The following CPNE5 variants were observed in gnomAD, a reference collection of about 807,000 sequenced individuals.
CPNE5 encodes copine 5.
A neutral mutation model predicts 81.1 loss-of-function variants in CPNE5; 42 were observed. The ratio of observed to expected loss-of-function variants is 0.52; its 90% confidence interval spans 0.40 to 0.67. The LOEUF is 0.67. CPNE5 is among the 30% of genes least tolerant of loss of function. The probability of loss-of-function intolerance (pLI) is 0.00; values close to 1 mark genes in which losing one functional copy is unlikely to be tolerated. For missense variants in CPNE5, 612 were observed against 815.5 expected, an observed-to-expected ratio of 0.75 and a Z score of 3.04; for synonymous variants, 313 against 321.5, an observed-to-expected ratio of 0.97 and a Z score of 0.28.
chr6:36,762,706 T>C (rs984840459), intron 12 of CPNE5, among the ~76,000 whole-genome samples: 1 of 152,204 alleles, frequency 6.6e-6, no homozygotes, highest in Non-Finnish European at 1.5e-5. Flanking sequence ...GGGTTGTTTG[T>C]GTCTTGATTT....
intron 18 of CPNE5, 49 bp from the exon 19 acceptor site, chr6:36,744,374 C>T (rs1763891297): frequency 2.8e-6 from 4 of 1,451,532 alleles, no homozygotes; most frequent in Non-Finnish European, 3.8e-6. Flanking sequence ...AATTGGGACC[C>T]AGTTAAAAGG....
At chr6:36,773,425 C>G (rs549478983) in intron 10 of CPNE5, among the ~76,000 whole-genome samples, 1 of 152,334 alleles carries the variant, frequency 6.6e-6, no homozygotes, top group Non-Finnish European at 1.5e-5. Flanking sequence ...TACATGTTTC[C>G]TTGTGTGATT....
intron 1 of CPNE5, among the ~76,000 whole-genome samples, chr6:36,837,888 A>G (rs1773663830): frequency 6.6e-6 from 1 of 151,936 alleles, no homozygotes; most frequent in South Asian, 2.1e-4. Flanking sequence ...GCTGCTTTTG[A>G]TGGCTGAGGA....
chr6:36,784,172 G>A (rs188051299), intron 8 of CPNE5, among the ~76,000 whole-genome samples: 1 of 152,326 alleles, frequency 6.6e-6, no homozygotes, highest in South Asian at 2.1e-4. Context: ...CATTGCTGGG[G>A]GGTTGGCAGC....
intron 18 of CPNE5, 112 bp downstream of exon 18, chr6:36,744,936 C>A (rs777685163): frequency 7.0e-5 from 52 of 738,838 alleles, no homozygotes; most frequent in Non-Finnish European, 1.1e-4. Context: ...ACGCCCAAGT[C>A]ATCTCCAAGC....
At chr6:36,759,107 G>A (rs1389286853) in intron 12 of CPNE5, among the ~76,000 whole-genome samples, 1 of 152,236 alleles carries the variant, frequency 6.6e-6, no homozygotes, top group Non-Finnish European at 1.5e-5. Context: ...CCTCCCAGCT[G>A]GGGAGAATGA....
intron 6 of CPNE5, among the ~76,000 whole-genome samples, chr6:36,796,125 T>A (rs760397490): frequency 6.6e-6 from 1 of 152,078 alleles, no homozygotes; most frequent in Non-Finnish European, 1.5e-5. Context: ...ATTTTTGTAT[T>A]TTTAGTAGAG....
chr6:36,830,780 G>A (rs947010928), intron 1 of CPNE5, among the ~76,000 whole-genome samples: 1 of 152,134 alleles, frequency 6.6e-6, no homozygotes, highest in Non-Finnish European at 1.5e-5. Flanking sequence ...TGGAGTTGCT[G>A]TGAAGTCAAC....
chr6:36,806,809 C>A (rs1770636608), intron 3 of CPNE5, among the ~76,000 whole-genome samples: 1 of 152,232 alleles, frequency 6.6e-6, no homozygotes, highest in African/African-American at 2.4e-5. Flanking sequence ...CCCGATCATG[C>A]AGCAAAGATA....
Position 36,744,336 on chromosome 6 carries a change from G to C in CPNE5, c.1432-11C>G. On this transcript the variant is annotated splice_polypyrimidine_tract_variant and intron_variant, in intron 18 of 20. Transcript: ENST00000244751. ...GGGGAGCTTGGCAGCCTGGGAGACAGCATGGGGGGCAGGGAAAGGTTGGAC... is the reference window on the plus strand; with the variant it reads ...GGGGAGCTTGGCAGCCTGGGAGACACCATGGGGGGCAGGGAAAGGTTGGAC... The C allele has an allele frequency of 1.3e-6, 2 of 1,576,476 alleles. No individual in the cohort carries two copies. Among genetic ancestry groups the C allele is most frequent in the Non-Finnish European group, 1.7e-6 (2 of 1,160,788 alleles).
At chr6:36,769,437 C>T (rs1367732063) in intron 10 of CPNE5, among the ~76,000 whole-genome samples, 1 of 152,224 alleles carries the variant, frequency 6.6e-6, no homozygotes, top group East Asian at 1.9e-4. Context: ...CAGGCTGCCC[C>T]CACGGCATAC....
Position 36,839,254 on chromosome 6 carries a change from C to T in CPNE5, c.95+29G>A. On this transcript the variant is annotated intron_variant, in intron 1 of 20. Transcript: ENST00000244751. This position sits in a 1 kb window ranked among gnomAD's most constrained non-coding sequence, Gnocchi z 7.3. The stretch of plus-strand genomic sequence containing the variant: ...CGGGGCTCTGCGTCCAGGGCCGGGG[C>T]AAGGGGACCCGGCCAGCGGGAGGCT... The T allele has an allele frequency of 2.0e-6, 3 of 1,492,042 alleles. No homozygotes were observed. The highest frequency in any genetic ancestry group is 1.3e-5 in the South Asian group (1 of 78,688). 92.4% of individuals were successfully genotyped at this position (1,492,042 alleles called of 1,614,324 possible).
At chr6:36,773,732 G>A (rs1767245443) in intron 10 of CPNE5, among the ~76,000 whole-genome samples, 1 of 152,186 alleles carries the variant, frequency 6.6e-6, no homozygotes, top group Non-Finnish European at 1.5e-5. Context: ...TGCCCAGGTT[G>A]ACAGTGCTTT....
At chr6:36,836,854 C>T (rs1773553080) in intron 1 of CPNE5, among the ~76,000 whole-genome samples, 1 of 152,076 alleles carries the variant, frequency 6.6e-6, no homozygotes, top group Non-Finnish European at 1.5e-5. Flanking sequence ...TTCTCACCTC[C>T]CCTCTGTTCT....
At chr6:36,780,114 C>A (rs1273463276) in intron 8 of CPNE5, among the ~76,000 whole-genome samples, 2 of 152,140 alleles carry the variant, frequency 1.3e-5, no homozygotes, top group African/African-American at 4.8e-5. Context: ...CAGGCGCCCG[C>A]CACCACACCT....
intron 11 of CPNE5, 39 bp from the exon 12 acceptor site, chr6:36,763,031 G>C: frequency 6.4e-7 from 1 of 1,568,144 alleles, no homozygotes; most frequent in African/African-American, 1.4e-5. Context: ...AGGCCAGGCT[G>C]TGCCCTGCCT....
At chr6:36,833,829 G>C (rs1773174711) in intron 1 of CPNE5, among the ~76,000 whole-genome samples, 1 of 152,144 alleles carries the variant, frequency 6.6e-6, no homozygotes, top group Admixed American at 6.5e-5. Flanking sequence ...CAGAAACTAG[G>C]AAATGAGAAA....
intron 7 of CPNE5, chr6:36,792,582 G>A (rs1769199363): frequency 1.4e-5 from 6 of 441,330 alleles, no homozygotes; most frequent in Non-Finnish European, 2.3e-5. Context: ...GTGGGCCCTC[G>A]CTGGCAGCTT....
Position 36,784,118 on chromosome 6 carries a change from G to A in CPNE5, c.529-5161C>T, listed in dbSNP as rs115219267. Among the ~76,000 whole-genome samples the A allele has an allele frequency of 5.5e-3, 839 of 152,336 alleles. 6 individuals are homozygous for A. The highest frequency in any genetic ancestry group is 0.019 in the African/African-American group (779 of 41,576). On this transcript the variant is annotated intron_variant, in intron 8 of 20. Coordinates refer to ENST00000244751, the MANE Select transcript of CPNE5 (RefSeq NM_020939.2). ...CAGCTAACTGGAAAAATCCGCCAGT[G>A]TGCAACACTTTCTCCCTCTAACCCT... is the stretch of plus-strand genomic sequence containing the variant.
Sources: gnomAD v4.1 joint callset for allele counts (sites outside exome capture counted in the v4.1 genomes callset) on GRCh38, gnomAD v4.1.1 for gene constraint, Gnocchi (gnomAD v3.1) non-coding constraint, MANE v1.5 for transcripts, NCBI Gene and HGNC (gene_info 2026-07-23, HGNC 2026-07-21) for gene names.